Variants in MAF observed in about 807,000 individuals in gnomAD.
The protein encoded by MAF is transcription factor Maf.
MAF carries 10 observed loss-of-function variants against 22.0 expected under a neutral mutation model. The observed-to-expected ratio is 0.45, with a 90% CI of 0.28 to 0.77. The LOEUF is 0.77. Among genes scored for constraint, MAF ranks in the 30% least tolerant of loss-of-function variants. The pLI is 0.12. For synonymous variants in MAF, 337 were observed against 255.8 expected (o/e 1.32, Z -3.03); for missense variants, 544 against 548.4 (o/e 0.99, Z 0.08).
the MAF span, among the ~76,000 whole-genome samples, chr16:79,541,274 C>T: frequency 6.6e-6 from 1 of 152,168 alleles, no homozygotes; most frequent in African/African-American, 2.4e-5. Context: ...TAAGGGAAAT[C>T]ATCTTGGTTG....
At chr16:79,511,126 C>T in the MAF span, among the ~76,000 whole-genome samples, 2 of 152,136 alleles carry the variant, frequency 1.3e-5, no homozygotes, top group Admixed American at 6.5e-5. Context: ...TTTTTCTCTG[C>T]CTTACTTCTG....
chr16:79,528,894 C>T, the MAF span, among the ~76,000 whole-genome samples: 2 of 152,132 alleles, frequency 1.3e-5, no homozygotes, highest in African/African-American at 2.4e-5. Context: ...TCCCTTTCGT[C>T]CCATCTAGGC....
the MAF span, among the ~76,000 whole-genome samples, chr16:79,256,776 A>G: frequency 3.9e-5 from 6 of 152,320 alleles, no homozygotes; most frequent in South Asian, 1.2e-3. Context: ...AAATTTTGAC[A>G]GTACACATTT....
the MAF span, among the ~76,000 whole-genome samples, chr16:79,507,534 C>T: frequency 6.6e-6 from 1 of 151,950 alleles, no homozygotes; most frequent in Non-Finnish European, 1.5e-5. Flanking sequence ...ATGCCATTCT[C>T]CTGCCTCAGC....
the MAF span, among the ~76,000 whole-genome samples, chr16:79,439,234 T>C: frequency 7.9e-5 from 12 of 151,252 alleles, no homozygotes; most frequent in African/African-American, 2.9e-4. Flanking sequence ...ACCATCCCTA[T>C]CGTCCTATGG....
the MAF span, among the ~76,000 whole-genome samples, chr16:79,249,470 C>A: frequency 1.3e-5 from 2 of 151,352 alleles, no homozygotes; most frequent in Non-Finnish European, 2.9e-5. Context: ...GCCCCTTCCA[C>A]CATGTGAGGC....
the MAF span, among the ~76,000 whole-genome samples, chr16:79,305,146 G>A: frequency 6.6e-6 from 1 of 152,216 alleles, no homozygotes; most frequent in Non-Finnish European, 1.5e-5. Flanking sequence ...CAGCAGGCCA[G>A]GGGCTGGTCC....
chr16:79,600,665 A>T lies in MAF; in HGVS notation c.-763T>A, dbSNP rs1913993444. ...GGCAGAGAGCAAAGGGGGGAGGGGG[A>T]GGCCAAGCCGACAAGCAGCCCGAGC... On this transcript the variant is annotated 5_prime_UTR_variant, in exon 1 of 2. Coordinates refer to ENST00000326043, the MANE Select transcript of MAF (RefSeq NM_005360.5). The T allele has an allele frequency of 5.1e-6, 1 of 195,712 alleles. No homozygotes were observed. The highest frequency in any genetic ancestry group is 2.0e-4 in the South Asian group (1 of 5,014). The allele number at this position is 195,712 out of a possible 1,614,324, so 12.1% of individuals were successfully genotyped here. A position where few individuals can be genotyped will look rare whatever the true frequency, so the allele number is the denominator to read the frequency against.
chr16:79,266,174 A>G, the MAF span, among the ~76,000 whole-genome samples: 1 of 152,186 alleles, frequency 6.6e-6, no homozygotes, highest in South Asian at 2.1e-4. Flanking sequence ...ACAGCCGGCC[A>G]GAATTCATGT....
the MAF span, among the ~76,000 whole-genome samples, chr16:79,372,329 A>C: frequency 2.6e-5 from 4 of 152,260 alleles, no homozygotes; most frequent in East Asian, 7.7e-4. Flanking sequence ...AGATTTTTTA[A>C]ATAATAGATG....
chr16:79,304,077 C>G, the MAF span, among the ~76,000 whole-genome samples: 1 of 152,282 alleles, frequency 6.6e-6, no homozygotes, highest in East Asian at 1.9e-4. Context: ...TTGTGGGACC[C>G]AAGATGCAAT....
At chr16:79,421,401 G>A in the MAF span, among the ~76,000 whole-genome samples, 1 of 152,142 alleles carries the variant, frequency 6.6e-6, no homozygotes, top group Non-Finnish European at 1.5e-5. Flanking sequence ...CTAGTGCCTG[G>A]CAACCGCTGA....
At chr16:79,256,841 A>G in the MAF span, among the ~76,000 whole-genome samples, 1 of 152,136 alleles carries the variant, frequency 6.6e-6, no homozygotes, top group African/African-American at 2.4e-5. Flanking sequence ...ATGGGATCAA[A>G]TGTCATAGAA....
the MAF span, among the ~76,000 whole-genome samples, chr16:79,578,214 G>A: frequency 4.6e-5 from 7 of 152,130 alleles, no homozygotes; most frequent in East Asian, 7.7e-4. Context: ...CCTATAATAT[G>A]CTATGTGCAC....
At chr16:79,350,491 G>T in the MAF span, among the ~76,000 whole-genome samples, 1 of 152,118 alleles carries the variant, frequency 6.6e-6, no homozygotes, top group Non-Finnish European at 1.5e-5. Flanking sequence ...TGAGCACACC[G>T]CTGGACTACC....
chr16:79,557,901 C>T, the MAF span, among the ~76,000 whole-genome samples: 1 of 150,946 alleles, frequency 6.6e-6, no homozygotes, highest in Non-Finnish European at 1.5e-5. Flanking sequence ...CTTCATTGGG[C>T]ACTAAGAGAA....
the MAF span, among the ~76,000 whole-genome samples, chr16:79,325,903 G>T: frequency 1.3e-5 from 2 of 152,158 alleles, no homozygotes; most frequent in Non-Finnish European, 2.9e-5. Context: ...TTCAAGGAAG[G>T]TATCTTACCA....
At chr16:79,412,932 T>G in the MAF span, among the ~76,000 whole-genome samples, 7 of 152,138 alleles carry the variant, frequency 4.6e-5, no homozygotes, top group Non-Finnish European at 1.0e-4. Flanking sequence ...GGTATGTAAA[T>G]AGGGGATTAT....
chr16:79,463,151 G>C, the MAF span, among the ~76,000 whole-genome samples: 1 of 152,208 alleles, frequency 6.6e-6, no homozygotes, highest in African/African-American at 2.4e-5. Context: ...AGCTTGGCCT[G>C]TTTATGGAAC....
Sources: allele counts gnomAD v4.1 joint callset (sites outside exome capture counted in the v4.1 genomes callset), GRCh38; gene constraint gnomAD v4.1.1; transcripts MANE v1.5; gene names NCBI Gene and HGNC (gene_info 2026-07-23, HGNC 2026-07-21).